SAMD5: variants seen among roughly 807,000 people sequenced by gnomAD.
SAMD5 encodes the protein sterile alpha motif domain containing 5, also known as sterile alpha motif domain-containing protein 5.
SAMD5 carries 13 observed loss-of-function variants against 11.3 expected under a neutral mutation model. The ratio of observed to expected loss-of-function variants is 1.15; its 90% CI spans 0.75 to 1.83. SAMD5 has a LOEUF of 1.83. Among genes scored for constraint, SAMD5 ranks in the 40% most tolerant of loss-of-function variants. The probability of loss-of-function intolerance (pLI) is 0.00; values close to 1 mark genes in which losing one functional copy is unlikely to be tolerated. For synonymous variants in SAMD5, 129 were observed against 111.3 expected (o/e 1.16, Z -1.00); for missense variants, 255 against 239.1 (o/e 1.07, Z -0.44).
At chr6:147,912,410 A>G in the SAMD5 span, among the ~76,000 whole-genome samples, 2 of 152,170 alleles carry the variant, frequency 1.3e-5, no homozygotes, top group African/African-American at 2.4e-5. Flanking sequence ...TCTCCAACAC[A>G]CAGTTCCTGA....
chr6:147,684,430 AC>A (rs1473748840), intron 1 of SAMD5, among the ~76,000 whole-genome samples: 1 of 152,204 alleles, frequency 6.6e-6, no homozygotes, highest in African/African-American at 2.4e-5. Flanking sequence ...TTTTTGGTAT[AC>A]ACACCTACAT....
chr6:147,870,245 T>G, the SAMD5 span, among the ~76,000 whole-genome samples: 8 of 151,968 alleles, frequency 5.3e-5, no homozygotes, highest in Non-Finnish European at 1.2e-4. Flanking sequence ...TCTAGCACGG[T>G]GCTGGGAAGA....
At chr6:147,625,889 G>A (rs923560215) in intron 1 of SAMD5, among the ~76,000 whole-genome samples, 1 of 152,096 alleles carries the variant, frequency 6.6e-6, no homozygotes, top group Admixed American at 6.6e-5. Flanking sequence ...CCCCACTTTG[G>A]TTCCAGGCCA....
At chr6:147,652,694 G>A (rs552685170) in intron 1 of SAMD5, among the ~76,000 whole-genome samples, 5 of 152,234 alleles carry the variant, frequency 3.3e-5, no homozygotes, top group South Asian at 2.1e-4. Context: ...AAGGTTCCTG[G>A]CAACTCTAAC....
rs1444563998 is a variant in SAMD5, at chr6:147,508,962, G to A, written c.34G>A (p.Ala12Thr). The A allele has an allele frequency of 6.2e-7, 1 of 1,601,894 alleles. No individual in the cohort carries two copies. The highest frequency in any genetic ancestry group is 2.3e-5 in the East Asian group (1 of 43,588). Residue 12 changes from alanine (A) to threonine (T), a missense_variant, in exon 1 of 2, where the codon GCG (alanine) becomes ACG (threonine). Ala to Thr is a moderately conservative substitution (Grantham distance 58). Coordinates refer to ENST00000367474, the MANE Select transcript of SAMD5 (RefSeq NM_001030060.3). ...CTNIVYEWLK[A>T]LQLPQYAESF... ...CAACATAGTTTACGAGTGGCTCAAA[G>A]CGCTGCAGCTTCCGCAGTACGCGGA...
At chr6:147,928,118 T>C in the SAMD5 span, among the ~76,000 whole-genome samples, 1 of 152,200 alleles carries the variant, frequency 6.6e-6, no homozygotes, top group South Asian at 2.1e-4. Flanking sequence ...GATATTGGCC[T>C]GATGTGTTCT....
chr6:147,868,356 T>C, the SAMD5 span, among the ~76,000 whole-genome samples: 2 of 152,346 alleles, frequency 1.3e-5, no homozygotes, highest in Non-Finnish European at 1.5e-5. Flanking sequence ...CACTAAATAA[T>C]TCATAGCAAG....
At chr6:147,512,944 G>T (rs1309622415) in intron 1 of SAMD5, among the ~76,000 whole-genome samples, 1 of 152,188 alleles carries the variant, frequency 6.6e-6, no homozygotes, top group Non-Finnish European at 1.5e-5. Context: ...CACCATCTCA[G>T]TTTTTCCAGA....
chr6:147,759,057 C>T, the SAMD5 span, among the ~76,000 whole-genome samples: 1 of 152,186 alleles, frequency 6.6e-6, no homozygotes, highest in African/African-American at 2.4e-5. Context: ...ATTAAAATCA[C>T]TTAGTAACTG....
chr6:147,685,715 T>C (rs1480510102), intron 1 of SAMD5, among the ~76,000 whole-genome samples: 2 of 152,202 alleles, frequency 1.3e-5, no homozygotes, highest in African/African-American at 4.8e-5. Flanking sequence ...TTTTCTCTCT[T>C]CTTTTTTTTG....
chr6:147,826,878 C>T, the SAMD5 span, among the ~76,000 whole-genome samples: 4 of 152,098 alleles, frequency 2.6e-5, no homozygotes, highest in Non-Finnish European at 4.4e-5. Flanking sequence ...TCACTGTTCC[C>T]GGCAGGTCTC....
At chr6:147,777,015 T>A in the SAMD5 span, among the ~76,000 whole-genome samples, 1 of 152,202 alleles carries the variant, frequency 6.6e-6, no homozygotes, top group Non-Finnish European at 1.5e-5. Flanking sequence ...CCTCCCCAAC[T>A]TGATTGATTA....
chr6:147,874,479 G>A, the SAMD5 span, among the ~76,000 whole-genome samples: 8 of 151,920 alleles, frequency 5.3e-5, no homozygotes, highest in South Asian at 2.1e-4. Context: ...CCGTTGTTGC[G>A]TGGGCAATGA....
At chr6:147,513,839 C>G (rs149549021) in intron 1 of SAMD5, among the ~76,000 whole-genome samples, 89 of 152,130 alleles carry the variant, frequency 5.9e-4, no homozygotes, top group Non-Finnish European at 1.0e-3. Context: ...CAGATAATGG[C>G]CAGGTAGGAC....
chr6:147,840,537 A>C, the SAMD5 span, among the ~76,000 whole-genome samples: 23 of 152,262 alleles, frequency 1.5e-4, no homozygotes, highest in African/African-American at 5.5e-4. Flanking sequence ...AAAGAACTCA[A>C]CAGGAAGGAT....
At chr6:147,607,578 G>T (rs889789307) in intron 1 of SAMD5, among the ~76,000 whole-genome samples, 1 of 152,064 alleles carries the variant, frequency 6.6e-6, no homozygotes, top group Non-Finnish European at 1.5e-5. Flanking sequence ...ATACACTGGG[G>T]GATATCCATA....
At chr6:147,737,242 C>T in intron 1 of SAMD5, 1 of 867,460 alleles carries the variant, frequency 1.2e-6, no homozygotes, top group Non-Finnish European at 1.5e-6. Flanking sequence ...TCAGTTCCCC[C>T]TTCACCGTGC....
the SAMD5 span, among the ~76,000 whole-genome samples, chr6:147,835,220 G>A: frequency 1.5e-5 from 2 of 134,002 alleles, no homozygotes; most frequent in Admixed American, 7.7e-5. Flanking sequence ...GTGACAGAGT[G>A]AGACTCCATC....
chr6:147,696,346 C>T (rs914635766), intron 1 of SAMD5, among the ~76,000 whole-genome samples: 7 of 152,204 alleles, frequency 4.6e-5, no homozygotes, highest in African/African-American at 1.7e-4. Flanking sequence ...CTTACCCAGC[C>T]TGTGTCACCA....
Sources: gnomAD v4.1 joint callset for allele counts (sites outside exome capture counted in the v4.1 genomes callset) on GRCh38, gnomAD v4.1.1 for gene constraint, MANE v1.5 for transcripts, NCBI Gene and HGNC (gene_info 2026-07-23, HGNC 2026-07-21) for gene names.